The following ADCY5 variants were observed in gnomAD, a reference collection of about 807,000 sequenced individuals.
ADCY5 encodes adenylate cyclase 5, also known as adenylate cyclase type 5.
In ADCY5, 30 loss-of-function variants were observed where a neutral mutation model predicts 119.7. That is an observed-to-expected ratio of 0.25 (90% confidence interval 0.19 to 0.34). The LOEUF (loss-of-function observed/expected upper bound fraction) is 0.34. ADCY5 is among the 10% of genes least tolerant of loss of function. ADCY5 has a pLI of 1.00. For missense variants in ADCY5, 1,324 were observed against 1,775.2 expected (o/e 0.75, Z 4.57); for synonymous variants, 753 against 762.2 (o/e 0.99, Z 0.20).
chr3:123,426,042 T>C (rs572672541), intron 1 of ADCY5, among the ~76,000 whole-genome samples: 79 of 152,336 alleles, frequency 5.2e-4, no homozygotes, highest in Admixed American at 3.1e-3. Flanking sequence ...AGGTCATTTA[T>C]TGAGGGCTTT....
intron 7 of ADCY5, 36 bp downstream of exon 7, chr3:123,327,582 G>A: frequency 6.3e-7 from 1 of 1,594,390 alleles, no homozygotes; most frequent in Non-Finnish European, 8.6e-7. Flanking sequence ...CTGGAGGAAG[G>A]GAGCCCCTCA....
intron 8 of ADCY5, among the ~76,000 whole-genome samples, 163 bp downstream of exon 8, chr3:123,325,159 G>A (rs1008523589): frequency 1.3e-5 from 2 of 152,236 alleles, no homozygotes; most frequent in Non-Finnish European, 2.9e-5. Context: ...AGAAGCAGGT[G>A]CCCTACTCCT....
intron 1 of ADCY5, among the ~76,000 whole-genome samples, chr3:123,389,917 G>GC: frequency 6.6e-6 from 1 of 152,066 alleles, no homozygotes; most frequent in East Asian, 1.9e-4. Context: ...CTCTATGGGG[G>GC]GCTACAAATA....
intron 7 of ADCY5, among the ~76,000 whole-genome samples, chr3:123,325,702 G>C (rs1941454817): frequency 1.3e-5 from 2 of 152,240 alleles, no homozygotes; most frequent in Admixed American, 6.5e-5. Context: ...AAAAGATGAT[G>C]AGAGTTGGTC....
At chr3:123,344,544 G>A (rs1363666049) in intron 3 of ADCY5, among the ~76,000 whole-genome samples, 2 of 152,210 alleles carry the variant, frequency 1.3e-5, no homozygotes, top group African/African-American at 4.8e-5. Flanking sequence ...CTGAGGTTCA[G>A]AGTGGCTCAA....
intron 1 of ADCY5, among the ~76,000 whole-genome samples, chr3:123,376,562 G>A (rs1371056103): frequency 6.6e-6 from 1 of 152,136 alleles, no homozygotes; most frequent in Non-Finnish European, 1.5e-5. Context: ...AGGGCCTCAG[G>A]ACACTGTCTG....
intron 1 of ADCY5, among the ~76,000 whole-genome samples, chr3:123,440,443 GTGTT>G (rs752838451): frequency 1.9e-4 from 29 of 151,652 alleles, no homozygotes; most frequent in Non-Finnish European, 3.2e-4. Flanking sequence ...CTGTCTCCTT[GTGTT>G]TGTTTGTCTA....
At chr3:123,370,014 C>T (rs866140093) in intron 1 of ADCY5, among the ~76,000 whole-genome samples, 1 of 152,164 alleles carries the variant, frequency 6.6e-6, no homozygotes. Flanking sequence ...ATTCTTGGGG[C>T]ATGAGGAGTA....
intron 9 of ADCY5, 75 bp from the exon 10 acceptor site, chr3:123,319,893 T>TC: frequency 6.4e-7 from 1 of 1,560,280 alleles, no homozygotes; most frequent in Non-Finnish European, 8.7e-7. Context: ...CTTCCGACCA[T>TC]CCCCCCAGAC....
intron 2 of ADCY5, among the ~76,000 whole-genome samples, chr3:123,349,462 G>A (rs911668645): frequency 2.0e-5 from 3 of 152,036 alleles, no homozygotes; most frequent in African/African-American, 7.2e-5. Flanking sequence ...GATTCTGGTC[G>A]CGACACCCTG....
At chr3:123,351,293 C>G (rs189743936) in intron 2 of ADCY5, among the ~76,000 whole-genome samples, 69 of 152,300 alleles carry the variant, frequency 4.5e-4, no homozygotes, top group Non-Finnish European at 5.9e-5. Context: ...CAGATGGCAT[C>G]AAGGACACCC....
intron 1 of ADCY5, among the ~76,000 whole-genome samples, chr3:123,369,520 T>C (rs1943562219): frequency 6.6e-6 from 1 of 152,230 alleles, no homozygotes; most frequent in Non-Finnish European, 1.5e-5. Flanking sequence ...TGTGTGTCCC[T>C]GTGAGTGTCT....
chr3:123,303,642 G>A (rs1030053417), intron 13 of ADCY5, among the ~76,000 whole-genome samples: 2 of 152,000 alleles, frequency 1.3e-5, no homozygotes, highest in Non-Finnish European at 2.9e-5. Context: ...TGGCAACATG[G>A]GGAAACCCCA....
At chr3:123,323,088 C>T (rs542821272) in intron 8 of ADCY5, among the ~76,000 whole-genome samples, 54 of 152,208 alleles carry the variant, frequency 3.5e-4, no homozygotes, top group Non-Finnish European at 4.7e-4. Context: ...CCACGGGCCA[C>T]GCTGGAGTGG....
At chr3:123,331,148 G>T (rs996229418) in intron 4 of ADCY5, 132 bp from the exon 5 acceptor site, 2 of 957,248 alleles carry the variant, frequency 2.1e-6, no homozygotes, top group African/African-American at 3.3e-5. Context: ...GCAGGCCCAC[G>T]CCGGAACTCG....
At chr3:123,328,530 G>T (rs2108389483) in intron 6 of ADCY5, 114 bp downstream of exon 6, 2 of 1,291,796 alleles carry the variant, frequency 1.5e-6, no homozygotes, top group Non-Finnish European at 2.2e-6. Context: ...GGTGCTTGCT[G>T]CCCATCCTGC....
intron 1 of ADCY5, chr3:123,368,147 A>G (rs1194870209): frequency 1.9e-6 from 2 of 1,040,046 alleles, no homozygotes; most frequent in East Asian, 5.3e-5. Flanking sequence ...CATGCAACCT[A>G]CAGGAATCTG....
intron 2 of ADCY5, among the ~76,000 whole-genome samples, chr3:123,348,583 G>T (rs1412689725): frequency 6.6e-6 from 1 of 152,112 alleles, no homozygotes; most frequent in Non-Finnish European, 1.5e-5. Flanking sequence ...TCCACCTGGG[G>T]GACAGTGGCC....
At chr3:123,381,497 C>T (rs577183430) in intron 1 of ADCY5, among the ~76,000 whole-genome samples, 8 of 152,362 alleles carry the variant, frequency 5.3e-5, no homozygotes, top group Admixed American at 3.3e-4. Flanking sequence ...AATCCCAGCC[C>T]TGCTCATTGG....
Sources: allele counts gnomAD v4.1 joint callset (sites outside exome capture counted in the v4.1 genomes callset), GRCh38; gene constraint gnomAD v4.1.1; transcripts MANE v1.5; gene names NCBI Gene and HGNC (gene_info 2026-07-23, HGNC 2026-07-21).